Variants in TMEM161A observed in about 807,000 individuals in gnomAD.
The protein encoded by TMEM161A is adaptive response to oxidative stress protein 29.
Under a neutral mutation model 57.1 loss-of-function variants are expected in TMEM161A, and 46 were observed. The ratio of observed to expected loss-of-function variants is 0.81; its 90% CI spans 0.64 to 1.03. TMEM161A has a LOEUF of 1.03. Ranked by LOEUF, TMEM161A falls within the 50% of genes least tolerant of loss-of-function variation. The probability of loss-of-function intolerance (pLI) is 0.00; values close to 1 mark genes in which losing one functional copy is unlikely to be tolerated. For synonymous variants in TMEM161A, 288 were observed against 279.0 expected, an observed-to-expected ratio of 1.03 and a Z score of -0.32; for missense variants, 601 against 621.5, an observed-to-expected ratio of 0.97 and a Z score of 0.35.
At position 19,132,599 on chromosome 19, in the gene TMEM161A, G is replaced by A; in HGVS notation, c.286+58C>T. 1 of 1,566,940 alleles carries A rather than the reference G, an allele frequency of 6.4e-7. No homozygotes were observed. The highest frequency in any genetic ancestry group is 1.2e-5 in the South Asian group (1 of 82,868). On this transcript the variant is annotated intron_variant, in intron 4 of 11. Transcript: ENST00000162044. This position sits in a 1 kb window ranked among gnomAD's most constrained non-coding sequence, Gnocchi z 4.3. Reference sequence around the variant, plus strand: ...TTCAAATCCTCCCCACCCCCATGAGGGTGTGGAGACCTTCAGGGCTGAGGG... The same window carrying A: ...TTCAAATCCTCCCCACCCCCATGAGAGTGTGGAGACCTTCAGGGCTGAGGG...
intron 11 of TMEM161A, 95 bp downstream of exon 11, chr19:19,120,670 C>CA: frequency 8.8e-7 from 1 of 1,137,910 alleles, no homozygotes; most frequent in Non-Finnish European, 1.3e-6. Context: ...GGCCCCGCCT[C>CA]TCCCCCCCCA....
At position 19,129,396 on chromosome 19, in the gene TMEM161A, C is replaced by T. The variant is rs79015420; in HGVS notation, c.595+760G>A. Among the ~76,000 whole-genome samples the T allele has an allele frequency of 3.3e-5, 5 of 152,000 alleles. No individual in the cohort carries two copies. The East Asian group carries it at 9.7e-4, about 29-fold the overall frequency. ...AGGGCTATGGTCTTTCTCCTAAGACCGGGGGAGTGTGGTGCCGGGCAGAGA... is the reference window on the plus strand; with the variant it reads ...AGGGCTATGGTCTTTCTCCTAAGACTGGGGGAGTGTGGTGCCGGGCAGAGA... On this transcript the variant is annotated intron_variant, in intron 6 of 11. Transcript: ENST00000162044.
intron 1 of TMEM161A, among the ~76,000 whole-genome samples, chr19:19,138,043 C>T (rs867646018): frequency 1.3e-5 from 2 of 151,790 alleles, no homozygotes; most frequent in Non-Finnish European, 2.9e-5. Context: ...TCCTGCAGGA[C>T]CCCCGTCCCC....
chr19:19,120,948 G>A (rs1444538055), intron 10 of TMEM161A, 44 bp downstream of exon 10: 6 of 1,609,266 alleles, frequency 3.7e-6, no homozygotes, highest in Non-Finnish European at 5.1e-6. Flanking sequence ...ACCCCACCCT[G>A]AGCCCCAGGT....
rs1363492763 is a variant in TMEM161A at position 19,134,785 on chromosome 19, T to C, written c.106A>G (p.Ser36Gly). 2 of 1,569,018 alleles carry C rather than the reference T, an allele frequency of 1.3e-6. No homozygotes were observed. The highest frequency in any genetic ancestry group is 2.4e-5 in the East Asian group (1 of 41,782). The change falls in exon 2 of 12, where the codon AGT becomes GGT. Residue 36 changes from serine to glycine, a missense_variant and splice_region_variant. Physicochemically the swap from Ser to Gly is moderately conservative, Grantham distance 56. Transcript: ENST00000162044. ...SFARWLLCNGSLFRYKHPSEE... is the reference protein window; with the variant it reads ...SFARWLLCNGGLFRYKHPSEE... ...TCCCACCGCCGGGGCGGGGCTCACCTGCCGTTACAGAGCAGCCAGCGCGCG... is the reference window on the plus strand; with the variant it reads ...TCCCACCGCCGGGGCGGGGCTCACCCGCCGTTACAGAGCAGCCAGCGCGCG...
chr19:19,119,684 C>A lies in TMEM161A; in HGVS notation c.*246G>T. 1 of 558,526 alleles carries A rather than the reference C, an allele frequency of 1.8e-6. No homozygotes were observed. The highest frequency in any genetic ancestry group is 3.2e-6 in the Non-Finnish European group (1 of 312,426). The allele number at this position is 558,526 out of a possible 1,614,324, so 34.6% of individuals were successfully genotyped here. On this transcript the variant is annotated 3_prime_UTR_variant, in exon 12 of 12. Transcript: ENST00000162044. ...GCCAGCATCACCCTTGCCACTCAAA[C>A]CTGGCACATACGCTTCGGAGACAAT... is the stretch of plus-strand genomic sequence containing the variant.
At chr19:19,126,121 G>A (rs2059930005) in intron 6 of TMEM161A, among the ~76,000 whole-genome samples, 2 of 150,110 alleles carry the variant, frequency 1.3e-5, no homozygotes, top group Admixed American at 6.7e-5. Flanking sequence ...ACTAGAGATC[G>A]CCCACTGCAC....
chr19:19,120,619 T>A (rs574913208), intron 11 of TMEM161A, 146 bp downstream of exon 11: 1 of 732,840 alleles, frequency 1.4e-6, no homozygotes, highest in Non-Finnish European at 2.3e-6. Context: ...CTCCGCTTCC[T>A]GCTCAGACCC....
rs540716172 is a variant in TMEM161A at position 19,137,508 on chromosome 19, T to C, written c.3+918A>G. On this transcript the variant is annotated intron_variant, in intron 1 of 11. Coordinates refer to ENST00000162044, the MANE Select transcript of TMEM161A (RefSeq NM_017814.3). Reference sequence around the variant, plus strand: ...TTTCTGGAGTCTTCCATCAGCTCCTTCTTTTCCCTTCACTGGATTTACGAT... The same window carrying C: ...TTTCTGGAGTCTTCCATCAGCTCCTCCTTTTCCCTTCACTGGATTTACGAT... 7.2e-5 allele frequency among the ~76,000 whole-genome samples: 11 copies of C among 152,324 alleles called. No homozygotes were observed. In the South Asian group the frequency reaches 2.3e-3, roughly 32 times the overall value.
chr19:19,128,317 C>T (rs187349063), intron 6 of TMEM161A, among the ~76,000 whole-genome samples: 15 of 151,170 alleles, frequency 9.9e-5, no homozygotes, highest in African/African-American at 2.4e-4. Flanking sequence ...CTGCAAGCTC[C>T]GCCTACCAGG....
chr19:19,129,419 A>G (rs1315903994), intron 6 of TMEM161A, among the ~76,000 whole-genome samples: 1 of 152,014 alleles, frequency 6.6e-6, no homozygotes, highest in Non-Finnish European at 1.5e-5. Flanking sequence ...TGCCGGGCAG[A>G]GAAGTGATGA....
chr19:19,135,320 C>G (rs915321504), intron 1 of TMEM161A, among the ~76,000 whole-genome samples: 11 of 152,156 alleles, frequency 7.2e-5, no homozygotes, highest in South Asian at 2.1e-4. Flanking sequence ...TTCTGCACCC[C>G]ACACTGTCAC....
chr19:19,120,275 A>T, intron 11 of TMEM161A, 92 bp from the exon 12 acceptor site: 1 of 1,105,256 alleles, frequency 9.0e-7, no homozygotes. Flanking sequence ...CCATTCCTCC[A>T]GACACTCCCA....
At chr19:19,134,695 C>A in intron 2 of TMEM161A, 89 bp downstream of exon 2, 1 of 975,050 alleles carries the variant, frequency 1.0e-6, no homozygotes, top group African/African-American at 1.6e-5. Context: ...CAACCAAAAT[C>A]AAGGCTTTGC....
At chr19:19,123,520 GAAACAAAGTCA>G (rs1321224176) in intron 6 of TMEM161A, among the ~76,000 whole-genome samples, 1 of 152,164 alleles carries the variant, frequency 6.6e-6, no homozygotes, top group Non-Finnish European at 1.5e-5. Flanking sequence ...TAAGATGGTA[GAAACAAAGTCA>G]AATATGTCAG....
chr19:19,120,168 C>T lies in TMEM161A; in HGVS notation c.1202G>A (p.Gly401Asp), dbSNP rs2059901431. The change falls in exon 12 of 12, where the codon GGC becomes GAC. Residue 401 changes from glycine (G) to aspartate (D), a missense_variant. By Grantham distance (94) the Gly-to-Asp change is moderately conservative (BLOSUM62 -1). Coordinates refer to ENST00000162044, the MANE Select transcript of TMEM161A (RefSeq NM_017814.3). The stretch of plus-strand genomic sequence containing the variant: ...GGATAGTAGAGGAGCTGGGCCCAGG[C>T]CCCAGGAATAGCCTCCTAGGAGAAG... The part of the protein sequence containing the change: ...LLKTLGGYSW[G>D]LGPAPLLSPD... 3 of 1,552,836 alleles carry T rather than the reference C, an allele frequency of 1.9e-6. No homozygotes were observed. The highest frequency in any genetic ancestry group is 2.4e-5 in the South Asian group (2 of 84,504).
rs144608866 is a variant in TMEM161A, at chr19:19,120,031, G to A, written c.1339C>T (p.Leu447Phe). 9.0e-5 allele frequency: 144 copies of A among 1,600,702 alleles called. No homozygotes were observed. The highest frequency in any genetic ancestry group is 1.8e-4 in the Middle Eastern group (1 of 5,516). Residue 447 changes from leucine (L) to phenylalanine (F), a missense_variant, in exon 12 of 12, where the codon CTC becomes TTC. Leu to Phe is a conservative substitution (Grantham distance 22). Transcript: ENST00000162044. Reference sequence around the variant, plus strand: ...ATGAGGTAGGCCAGGACGCCACGGAGGAAGAGGGGAGTAAGCAGGCCACCC... The same window carrying A: ...ATGAGGTAGGCCAGGACGCCACGGAAGAAGAGGGGAGTAAGCAGGCCACCC... The part of the protein sequence containing the change: ...ALGGLLTPLF[L>F]RGVLAYLIWW...
chr19:19,120,747 C>A lies in TMEM161A; in HGVS notation c.1186+18G>T, dbSNP rs750686831. On this transcript the variant is annotated intron_variant, in intron 11 of 11. Coordinates refer to ENST00000162044, the MANE Select transcript of TMEM161A (RefSeq NM_017814.3). ...TCCAACTCCGCCCCTCCTCCACCCCCACACCGCGGCATCTCACCCAGCGTC... is the reference window on the plus strand; with the variant it reads ...TCCAACTCCGCCCCTCCTCCACCCCAACACCGCGGCATCTCACCCAGCGTC... 4 of 1,611,432 alleles carry A rather than the reference C, an allele frequency of 2.5e-6. No individual in the cohort carries two copies. Among genetic ancestry groups the A allele is most frequent in the East Asian group, 4.5e-5 (2 of 44,892 alleles).
chr19:19,130,106 A>C, intron 6 of TMEM161A, 50 bp downstream of exon 6: 1 of 1,604,570 alleles, frequency 6.2e-7, no homozygotes, highest in Non-Finnish European at 8.5e-7. Flanking sequence ...TGGTCAGATT[A>C]CATGAGGGAG....
Sources: allele counts gnomAD v4.1 joint callset (sites outside exome capture counted in the v4.1 genomes callset), GRCh38; gene constraint gnomAD v4.1.1; non-coding constraint Gnocchi (gnomAD v3.1); transcripts MANE v1.5; gene names NCBI Gene and HGNC (gene_info 2026-07-23, HGNC 2026-07-21).